FHIT: variants seen among roughly 807,000 people sequenced by gnomAD.
FHIT encodes the protein fragile histidine triad diadenosine triphosphatase, also known as bis(5'-adenosyl)-triphosphatase.
In FHIT, 19 loss-of-function variants were observed where a neutral mutation model predicts 17.9. That is an observed-to-expected ratio of 1.06 (90% CI 0.74 to 1.56). FHIT has a LOEUF of 1.56. Ranked by LOEUF, FHIT falls within the 40% of genes most tolerant of loss-of-function variation. The pLI is 0.00. For missense variants in FHIT, 248 were observed against 189.2 expected (o/e 1.31, Z -1.82); for synonymous variants, 81 against 69.7 (o/e 1.16, Z -0.81).
intron 5 of FHIT, among the ~76,000 whole-genome samples, chr3:60,510,187 G>A (rs533120648): frequency 6.6e-6 from 1 of 152,330 alleles, no homozygotes; most frequent in South Asian, 2.1e-4. Context: ...CCCAATGCCT[G>A]AGCTGGCCAT....
At chr3:59,941,972 T>C (rs1203148903) in intron 7 of FHIT, among the ~76,000 whole-genome samples, 1 of 152,154 alleles carries the variant, frequency 6.6e-6, no homozygotes, top group Non-Finnish European at 1.5e-5. Context: ...GAACTAGACT[T>C]TTCCCTCAAG....
At chr3:61,208,258 G>C (rs758342490) in intron 1 of FHIT, among the ~76,000 whole-genome samples, 3 of 151,978 alleles carry the variant, frequency 2.0e-5, no homozygotes, top group Non-Finnish European at 2.9e-5. Context: ...TTCAGAATAG[G>C]TGTGGTGTGG....
chr3:60,756,366 C>T (rs17063923), intron 4 of FHIT, among the ~76,000 whole-genome samples: 4,831 of 152,210 alleles, frequency 0.032, 259 homozygotes, highest in African/African-American at 0.11. Context: ...AAGTGCTTCA[C>T]CACACAAAAG....
chr3:60,777,204 C>T (rs781981305), intron 4 of FHIT, among the ~76,000 whole-genome samples: 2 of 152,096 alleles, frequency 1.3e-5, no homozygotes, highest in South Asian at 2.1e-4. Flanking sequence ...GACCATGGCC[C>T]GTGACACAGC....
At chr3:60,626,492 GT>G (rs1553680977) in intron 4 of FHIT, among the ~76,000 whole-genome samples, 1 of 152,026 alleles carries the variant, frequency 6.6e-6, no homozygotes, top group African/African-American at 2.4e-5. Context: ...AATTTTCTCA[GT>G]TTCATTTTCT....
chr3:60,981,799 T>A (rs1710509218), intron 3 of FHIT, among the ~76,000 whole-genome samples: 1 of 150,340 alleles, frequency 6.7e-6, no homozygotes, highest in Non-Finnish European at 1.5e-5. Context: ...GATGGGGTCT[T>A]GCCATGTTAC....
Position 60,320,220 on chromosome 3 carries a change from A to G in FHIT, c.103+216640T>C, listed in dbSNP as rs897786406. On this transcript the variant is annotated intron_variant, in intron 5 of 9. Coordinates refer to ENST00000492590, the MANE Select transcript of FHIT (RefSeq NM_002012.4). ...CAACGTTAAGCTTCCTCTTCATTTC[A>G]AATTTGTTTATTCTTACATAAGCTT... is the stretch of plus-strand genomic sequence containing the variant. Among the ~76,000 whole-genome samples the G allele has an allele frequency of 5.9e-5, 9 of 152,320 alleles. 2 individuals are homozygous for G. Among genetic ancestry groups the G allele is most frequent in the East Asian group, 1.9e-4 (1 of 5,190 alleles).
At chr3:60,088,425 A>G (rs1459597149) in intron 5 of FHIT, among the ~76,000 whole-genome samples, 1 of 152,184 alleles carries the variant, frequency 6.6e-6, no homozygotes, top group Non-Finnish European at 1.5e-5. Flanking sequence ...TTGCACGGCC[A>G]TGCTGCTTAC....
intron 4 of FHIT, among the ~76,000 whole-genome samples, chr3:60,809,398 G>A (rs1295727641): frequency 6.6e-6 from 1 of 152,110 alleles, no homozygotes; most frequent in Non-Finnish European, 1.5e-5. Context: ...ACTAGATAGT[G>A]GGGGTCTTTT....
chr3:61,081,557 C>A (rs893927539), intron 2 of FHIT, among the ~76,000 whole-genome samples: 2 of 152,162 alleles, frequency 1.3e-5, no homozygotes, highest in Non-Finnish European at 2.9e-5. Flanking sequence ...TCAATTTGGT[C>A]AATTCAGGGC....
intron 4 of FHIT, among the ~76,000 whole-genome samples, chr3:60,586,680 A>C (rs1331108041): frequency 6.6e-6 from 1 of 152,000 alleles, no homozygotes; most frequent in Non-Finnish European, 1.5e-5. Context: ...GAACAAGATC[A>C]CGTCTTTTGC....
chr3:61,111,629 T>G (rs1329211633), intron 2 of FHIT, among the ~76,000 whole-genome samples: 1 of 152,198 alleles, frequency 6.6e-6, no homozygotes, highest in Middle Eastern at 3.2e-3. Context: ...TGAAAGAGCT[T>G]TTTAAATTCT....
intron 5 of FHIT, among the ~76,000 whole-genome samples, chr3:60,168,640 A>G (rs1205741340): frequency 2.0e-5 from 3 of 152,244 alleles, no homozygotes; most frequent in South Asian, 4.1e-4. Context: ...CAAAGAAGAT[A>G]AAGTGAAAAA....
chr3:59,818,273 C>G (rs1378764118), intron 8 of FHIT, among the ~76,000 whole-genome samples: 2 of 152,044 alleles, frequency 1.3e-5, no homozygotes, highest in African/African-American at 2.4e-5. Flanking sequence ...AAGCCAGACA[C>G]GCAATTCAGA....
chr3:59,804,170 T>A (rs534820155), intron 8 of FHIT, among the ~76,000 whole-genome samples: 8 of 152,334 alleles, frequency 5.3e-5, no homozygotes, highest in Non-Finnish European at 1.0e-4. Flanking sequence ...TTGTCTCTGG[T>A]TCATTTGAGG....
chr3:60,356,980 A>G (rs184352967), intron 5 of FHIT, among the ~76,000 whole-genome samples: 17 of 152,018 alleles, frequency 1.1e-4, no homozygotes, highest in Admixed American at 9.8e-4. Flanking sequence ...AATTCAACCA[A>G]TGAAGCTCTT....
At chr3:60,603,226 GAA>G (rs2038501296) in intron 4 of FHIT, among the ~76,000 whole-genome samples, 1 of 152,092 alleles carries the variant, frequency 6.6e-6, no homozygotes, top group South Asian at 2.1e-4. Flanking sequence ...TTAACCTTTA[GAA>G]AAGTCTTTAG....
intron 4 of FHIT, among the ~76,000 whole-genome samples, chr3:60,540,238 C>T (rs1361454378): frequency 6.6e-6 from 1 of 152,138 alleles, no homozygotes; most frequent in Non-Finnish European, 1.5e-5. Context: ...TGCTCTTTCC[C>T]CCATACCTCA....
intron 5 of FHIT, among the ~76,000 whole-genome samples, chr3:60,210,937 T>A (rs1314123610): frequency 1.3e-5 from 2 of 152,026 alleles, no homozygotes; most frequent in African/African-American, 2.4e-5. Flanking sequence ...ATAAAATATA[T>A]GTTTGCACAA....
Sources: gnomAD v4.1 joint callset for allele counts (sites outside exome capture counted in the v4.1 genomes callset) on GRCh38, gnomAD v4.1.1 for gene constraint, MANE v1.5 for transcripts, NCBI Gene and HGNC (gene_info 2026-07-23, HGNC 2026-07-21) for gene names.